TEX11: variants seen among roughly 807,000 people sequenced by gnomAD.
TEX11 encodes testis expressed 11, also known as testis-expressed protein 11.
TEX11 carries 7 observed loss-of-function variants against 84.4 expected under a neutral mutation model. That is an observed-to-expected ratio of 0.08 (90% CI 0.05 to 0.16). The LOEUF is 0.16. Among genes scored for constraint, TEX11 ranks in the 10% least tolerant of loss-of-function variants. The pLI is 1.00. For synonymous variants in TEX11, 264 were observed against 222.8 expected, an observed-to-expected ratio of 1.18 and a Z score of -1.64; for missense variants, 551 against 660.5, an observed-to-expected ratio of 0.83 and a Z score of 1.82.
At chrX:70,530,129 T>C in intron 28 of TEX11, 130 bp from the exon 29 acceptor site, 2 of 593,738 alleles carry the variant, frequency 3.4e-6, no homozygotes, top group Admixed American at 6.5e-5. Flanking sequence ...GGAAGGTCTG[T>C]GCTCCTGGAG....
In TEX11 at chrX:70,880,692, A is replaced by G. The variant is rs369541714; in HGVS notation, c.38-583T>C. Reference sequence around the variant, plus strand: ...ACTGAAAAACTTACTAATATTTTCAAGCATTAGACAGACATAGCTAACTGC... The same window carrying G: ...ACTGAAAAACTTACTAATATTTTCAGGCATTAGACAGACATAGCTAACTGC... On this transcript the variant is annotated intron_variant, in intron 2 of 29. Coordinates refer to ENST00000374333, the MANE Select transcript of TEX11 (RefSeq NM_031276.3). 3.6e-5 allele frequency among the ~76,000 whole-genome samples: 4 copies of G among 111,912 alleles called. No individual in the cohort carries two copies. The East Asian group carries it at 1.1e-3, about 31-fold the overall frequency.
At chrX:70,827,590 T>G (rs1310249295) in intron 8 of TEX11, among the ~76,000 whole-genome samples, 5 of 111,035 alleles carry the variant, frequency 4.5e-5, no homozygotes, top group Non-Finnish European at 9.5e-5. Context: ...ACATCAGTGG[T>G]GGCCTAGCAG....
At chrX:70,607,472 T>C (rs1331605010) in intron 22 of TEX11, among the ~76,000 whole-genome samples, 1 of 110,278 alleles carries the variant, frequency 9.1e-6, no homozygotes, top group Non-Finnish European at 1.9e-5. Context: ...TAGCCAGGTG[T>C]GGTGGCACAC....
intron 25 of TEX11, among the ~76,000 whole-genome samples, chrX:70,570,374 C>G (rs1331765779): frequency 1.8e-5 from 2 of 112,244 alleles, no homozygotes; most frequent in African/African-American, 6.5e-5. Flanking sequence ...GACGCAATGC[C>G]TCGCCCTGCT....
chrX:70,877,603 C>T (rs56219362), intron 3 of TEX11, among the ~76,000 whole-genome samples: 15,326 of 111,266 alleles, frequency 0.14, 881 homozygotes, highest in Middle Eastern at 0.27. Context: ...ACATTATTCA[C>T]AATAGGCAAA....
intron 9 of TEX11, among the ~76,000 whole-genome samples, chrX:70,766,898 G>A (rs2090944124): frequency 8.9e-6 from 1 of 111,800 alleles, no homozygotes; most frequent in Admixed American, 9.5e-5. Context: ...AAGAAATGGT[G>A]CTGGGGAATC....
intron 9 of TEX11, among the ~76,000 whole-genome samples, chrX:70,758,796 C>CA (rs1305329786): frequency 4.5e-5 from 5 of 111,438 alleles, no homozygotes; most frequent in East Asian, 2.8e-4. Context: ...AACAGAGACA[C>CA]AAAAAACCCT....
chrX:70,564,248 C>CAA (rs2088420153), intron 25 of TEX11, among the ~76,000 whole-genome samples: 1 of 111,216 alleles, frequency 9.0e-6, no homozygotes, highest in Non-Finnish European at 1.9e-5. Flanking sequence ...AAAACAAAAA[C>CAA]AAACAAACAA....
In TEX11 at chrX:70,678,892, G is replaced by GA. The variant is rs55853716; in HGVS notation, c.1157-4dup. ...CAGTTGTCTTCCTGTTTGGTGAGCT[G>GA]AAAAAAAAAAAAAGCTCTGAAAATA... On this transcript the variant is annotated splice_region_variant and splice_polypyrimidine_tract_variant and intron_variant, in intron 14 of 29. Transcript: ENST00000374333. 155 of 879,152 alleles carry GA rather than the reference G, an allele frequency of 1.8e-4. No homozygotes were observed. The highest frequency in any genetic ancestry group is 4.1e-4 in the East Asian group (11 of 26,619). The allele number at this position is 879,152 out of a possible 1,213,427, so 72.5% of individuals were successfully genotyped here.
At chrX:70,729,653 A>C (rs1481730829) in intron 11 of TEX11, among the ~76,000 whole-genome samples, 1 of 111,972 alleles carries the variant, frequency 8.9e-6, no homozygotes, top group Non-Finnish European at 1.9e-5. Flanking sequence ...GAAATATGGG[A>C]CTATGTGAAA....
chrX:70,647,228 G>T (rs2089752379), intron 17 of TEX11, among the ~76,000 whole-genome samples: 1 of 111,875 alleles, frequency 8.9e-6, no homozygotes, highest in Non-Finnish European at 1.9e-5. Context: ...AAAGTAGAAT[G>T]GTGGTTACCA....
At chrX:70,511,311 C>T in the TEX11 span, among the ~76,000 whole-genome samples, 1 of 112,597 alleles carries the variant, frequency 8.9e-6, no homozygotes, top group African/African-American at 3.2e-5. Flanking sequence ...TTATTCTCTC[C>T]ATGTGTCAGA....
rs183875181 is a variant in TEX11 at position 70,804,179 on chromosome X, G to A, written c.692+2526C>T. On this transcript the variant is annotated intron_variant, in intron 9 of 29. Coordinates refer to ENST00000374333, the MANE Select transcript of TEX11 (RefSeq NM_031276.3). The stretch of plus-strand genomic sequence containing the variant: ...CAAACATCACGTAGAGATAGTAGCA[G>A]CAGTTTCCGTTTGTTAAGCAGTTTC... Among the ~76,000 whole-genome samples, 618 of 112,019 alleles carry A rather than the reference G, an allele frequency of 5.5e-3. 2 individuals carry two copies. The highest frequency in any genetic ancestry group is 0.018 in the African/African-American group (567 of 30,925).
chrX:70,573,695 A>G (rs1032353817), intron 25 of TEX11, among the ~76,000 whole-genome samples: 13 of 112,174 alleles, frequency 1.2e-4, no homozygotes, highest in African/African-American at 4.2e-4. Flanking sequence ...TGGTGTGTAC[A>G]ATGGAAAAGA....
At chrX:70,864,741 C>CAAAAAA (rs1158189701) in intron 4 of TEX11, among the ~76,000 whole-genome samples, 2 of 36,026 alleles carry the variant, frequency 5.6e-5, no homozygotes, top group African/African-American at 9.3e-5. Flanking sequence ...GATGCCATCT[C>CAAAAAA]AAAAAAAAAA....
chrX:70,885,638 T>A (rs1221756278), intron 2 of TEX11, among the ~76,000 whole-genome samples: 1 of 111,007 alleles, frequency 9.0e-6, no homozygotes, highest in East Asian at 2.8e-4. Context: ...ATGCCTGTAA[T>A]CCCAGCACAT....
intron 13 of TEX11, among the ~76,000 whole-genome samples, chrX:70,713,116 C>T (rs1202515105): frequency 7.6e-4 from 85 of 111,712 alleles, no homozygotes; most frequent in Non-Finnish European, 1.4e-3. Context: ...TATGTTGAAC[C>T]AGCCTCGCAT....
At chrX:70,623,324 G>T (rs1182425998) in intron 20 of TEX11, among the ~76,000 whole-genome samples, 1 of 111,655 alleles carries the variant, frequency 9.0e-6, no homozygotes, top group African/African-American at 3.2e-5. Flanking sequence ...GAGGTAGTGA[G>T]ATTTGTGAAC....
intron 25 of TEX11, among the ~76,000 whole-genome samples, chrX:70,556,991 T>C (rs1409943823): frequency 9.2e-6 from 1 of 108,983 alleles, no homozygotes; most frequent in African/African-American, 3.3e-5. Flanking sequence ...AGAGACAAGG[T>C]CTCACTATGT....
Sources: gnomAD v4.1 joint callset for allele counts (sites outside exome capture counted in the v4.1 genomes callset) on GRCh38, gnomAD v4.1.1 for gene constraint, MANE v1.5 for transcripts, NCBI Gene and HGNC (gene_info 2026-07-23, HGNC 2026-07-21) for gene names.